CLPB: variants seen among roughly 807,000 people sequenced by gnomAD.
The protein encoded by CLPB is mitochondrial disaggregase.
CLPB carries 40 observed loss-of-function variants against 78.4 expected under a neutral mutation model. The ratio of observed to expected loss-of-function variants is 0.51; its 90% CI spans 0.40 to 0.66. The LOEUF (loss-of-function observed/expected upper bound fraction) is 0.66. Among genes scored for constraint, CLPB ranks in the 30% least tolerant of loss-of-function variants. The pLI is 0.00. For synonymous variants in CLPB, 333 were observed against 348.0 expected (o/e 0.96, Z 0.48); for missense variants, 780 against 886.9 (o/e 0.88, Z 1.53).
rs1269725515 is a variant in CLPB, at chr11:72,288,054, CTTGT to C, written c.*5309_*5312del. On this transcript the variant is annotated 3_prime_UTR_variant, in exon 16 of 16. Coordinates refer to ENST00000538039, the MANE Select transcript of CLPB (RefSeq NM_001258392.3). ...GTGTGTTTCTTTCCTAAATTTCTTT[CTTGT>C]TTTTCTTCTTTCACTATATTGAGGA... 1 of 151,736 alleles carries C rather than the reference CTTGT, an allele frequency of 6.6e-6. No individual in the cohort carries two copies. Among genetic ancestry groups the C allele is most frequent in the Non-Finnish European group, 1.5e-5 (1 of 67,910 alleles). 9.4% of individuals were successfully genotyped at this position (151,736 alleles called of 1,614,324 possible).
intron 5 of CLPB, among the ~76,000 whole-genome samples, chr11:72,348,469 T>G (rs1950554726): frequency 6.6e-6 from 1 of 152,222 alleles, no homozygotes; most frequent in African/African-American, 2.4e-5. Flanking sequence ...TATTTCTGGC[T>G]CCTGGCTCCT....
chr11:72,354,372 T>C (rs1950668312), intron 5 of CLPB: 4 of 398,124 alleles, frequency 1.0e-5, no homozygotes, highest in Non-Finnish European at 1.8e-5. Flanking sequence ...GAATGAGGGC[T>C]CAATTCTCTG....
chr11:72,350,678 C>T (rs1950598901), intron 5 of CLPB, among the ~76,000 whole-genome samples: 1 of 152,174 alleles, frequency 6.6e-6, no homozygotes, highest in African/African-American at 2.4e-5. Context: ...TTTTATACAA[C>T]AGAGGGGCTC....
intron 2 of CLPB, among the ~76,000 whole-genome samples, chr11:72,427,736 T>A (rs892090438): frequency 6.6e-6 from 1 of 152,148 alleles, no homozygotes; most frequent in Admixed American, 6.5e-5. Context: ...TAGGTTTGGG[T>A]AAGTATACTC....
rs764436479 is a variant in CLPB at position 72,295,615 on chromosome 11, C to T, written c.1363G>A (p.Asp455Asn). The change falls in exon 12 of 16, where the codon GAT becomes AAT. Residue 455 changes from aspartate (D) to asparagine (N), a missense_variant. Physicochemically the swap from Asp to Asn is conservative, Grantham distance 23. This residue lies in a region of CLPB where 272 missense variants were observed against 304.0 expected (regional missense o/e 0.89). Coordinates refer to ENST00000538039, the MANE Select transcript of CLPB (RefSeq NM_001258392.3). The part of the protein sequence containing the change: ...RLTDGKGKTI[D>N]CKDAIFIMTS... ...ATGATGAAGATGGCGTCCTTGCAAT[C>T]AATGGTCTTCCCTTTTCCATCTGTC... 1.2e-6 allele frequency: 2 copies of T among 1,614,112 alleles called. No individual in the cohort carries two copies. Among genetic ancestry groups the T allele is most frequent in the Non-Finnish European group, 1.7e-6 (2 of 1,180,000 alleles).
At chr11:72,363,203 G>A (rs1950874717) in intron 4 of CLPB, among the ~76,000 whole-genome samples, 1 of 151,644 alleles carries the variant, frequency 6.6e-6, no homozygotes, top group African/African-American at 2.4e-5. Context: ...AGGGAAGGGA[G>A]GGGAGGGGAC....
At chr11:72,393,832 T>C (rs1855324615) in intron 3 of CLPB, among the ~76,000 whole-genome samples, 1 of 152,258 alleles carries the variant, frequency 6.6e-6, no homozygotes, top group Non-Finnish European at 1.5e-5. Flanking sequence ...CTTATCCTTG[T>C]TAGTTTTTAT....
At chr11:72,424,669 G>A (rs1325569108) in intron 2 of CLPB, among the ~76,000 whole-genome samples, 2 of 152,172 alleles carry the variant, frequency 1.3e-5, no homozygotes, top group Non-Finnish European at 2.9e-5. Context: ...GCCGAGGCGG[G>A]CGGATCACGA....
chr11:72,300,928 A>G (rs933566547), intron 11 of CLPB, among the ~76,000 whole-genome samples: 2 of 152,190 alleles, frequency 1.3e-5, no homozygotes, highest in Admixed American at 1.3e-4. Context: ...GCCTGGTTCA[A>G]GGTAAACAGT....
rs145247620 is a variant in CLPB at position 72,423,666 on chromosome 11, G to A, written c.455+6646C>T. ...CTGCAGATCTATATCATGTCACAATGTGTACCTGTTAGTCTTTCTCACACA... is the reference window on the plus strand; with the variant it reads ...CTGCAGATCTATATCATGTCACAATATGTACCTGTTAGTCTTTCTCACACA... On this transcript the variant is annotated intron_variant, in intron 2 of 15. Coordinates refer to ENST00000538039, the MANE Select transcript of CLPB (RefSeq NM_001258392.3). 2.2e-3 allele frequency among the ~76,000 whole-genome samples: 338 copies of A among 152,300 alleles called. 2 individuals are homozygous for A. Among genetic ancestry groups the A allele is most frequent in the African/African-American group, 7.7e-3 (320 of 41,560 alleles).
chr11:72,388,734 G>T (rs1855159038), intron 3 of CLPB, among the ~76,000 whole-genome samples: 2 of 152,110 alleles, frequency 1.3e-5, no homozygotes, highest in Non-Finnish European at 2.9e-5. Context: ...GCTCCAAACG[G>T]GTCAGGCCCT....
chr11:72,354,573 T>C (rs910757025), intron 5 of CLPB: 4 of 370,664 alleles, frequency 1.1e-5, no homozygotes, highest in African/African-American at 2.1e-5. Context: ...CACTCCTCTT[T>C]CTAGTCCTAC....
chr11:72,311,791 G>C (rs1949851829), intron 7 of CLPB, among the ~76,000 whole-genome samples: 1 of 152,248 alleles, frequency 6.6e-6, no homozygotes, highest in Non-Finnish European at 1.5e-5. Context: ...TGCACAGGCA[G>C]CCTGGCTCCC....
At chr11:72,422,430 A>C (rs995369679) in intron 2 of CLPB, among the ~76,000 whole-genome samples, 4 of 152,188 alleles carry the variant, frequency 2.6e-5, no homozygotes, top group Non-Finnish European at 5.9e-5. Context: ...GAGGTCTTTT[A>C]ATTCTAAAAC....
At chr11:72,357,185 C>A (rs573293004) in intron 5 of CLPB, 3 of 152,410 alleles carry the variant, frequency 2.0e-5, no homozygotes, top group Admixed American at 6.5e-5. Flanking sequence ...ACAGGCCAGG[C>A]CTGGGTTTTA....
Position 72,354,203 on chromosome 11 carries a change from G to A in CLPB, c.775+4677C>T, listed in dbSNP as rs116635342. 3.1e-3 allele frequency: 1,195 copies of A among 379,820 alleles called. 12 individuals carry two copies. The highest frequency in any genetic ancestry group is 0.023 in the African/African-American group (1,104 of 48,032). 23.5% of individuals were successfully genotyped at this position (379,820 alleles called of 1,614,324 possible). A position where few individuals can be genotyped will look rare whatever the true frequency, so the allele number is the denominator to read the frequency against. On this transcript the variant is annotated intron_variant, in intron 5 of 15. Transcript: ENST00000538039. ...TCCCTTGCAACCTCTCTTAGCTGGG[G>A]GTTCTCCTTTGAAGCACATACAAAA...
intron 2 of CLPB, among the ~76,000 whole-genome samples, chr11:72,423,585 A>G (rs886698691): frequency 6.6e-6 from 1 of 152,182 alleles, no homozygotes; most frequent in African/African-American, 2.4e-5. Flanking sequence ...TCCAGCATCC[A>G]ACACAGATCT....
At position 72,430,426 on chromosome 11, in the gene CLPB, G is replaced by A. The variant is rs116781967; in HGVS notation, c.404-63C>T. The stretch of plus-strand genomic sequence containing the variant: ...GGACATACCCATCTCAGGACTGCGT[G>A]GAGGGCCCACTAAGACAGTGGCAGT... On this transcript the variant is annotated intron_variant, in intron 1 of 15. Coordinates refer to ENST00000538039, the MANE Select transcript of CLPB (RefSeq NM_001258392.3). The A allele has an allele frequency of 2.1e-3, 3,158 of 1,481,774 alleles. 58 individuals carry two copies. In the African/African-American group the frequency reaches 0.039, roughly 18 times the overall value. The allele number at this position is 1,481,774 out of a possible 1,614,324, so 91.8% of individuals were successfully genotyped here.
Position 72,293,271 on chromosome 11 carries a change from T to C in CLPB, c.*96A>G. On this transcript the variant is annotated 3_prime_UTR_variant, in exon 16 of 16. Coordinates refer to ENST00000538039, the MANE Select transcript of CLPB (RefSeq NM_001258392.3). ...AAGCAGGCCTGAGACTGGGTAGAGA[T>C]GGGAGCGGCATGAGGGGAAGGTAAG... The C allele has an allele frequency of 6.8e-7, 1 of 1,465,510 alleles. No homozygotes were observed. 90.8% of individuals were successfully genotyped at this position (1,465,510 alleles called of 1,614,324 possible).
Sources: gnomAD v4.1 joint callset for allele counts (sites outside exome capture counted in the v4.1 genomes callset) on GRCh38, gnomAD v4.1.1 for gene constraint, gnomAD v4.1.1 regional missense constraint, MANE v1.5 for transcripts, NCBI Gene and HGNC (gene_info 2026-07-23, HGNC 2026-07-21) for gene names.